ANO4: variants seen among roughly 807,000 people sequenced by gnomAD.
The protein encoded by ANO4 is anoctamin 4.
In ANO4, 69 loss-of-function variants were observed where a neutral mutation model predicts 141.9. The observed-to-expected ratio is 0.49, with a 90% CI of 0.40 to 0.59. The LOEUF is 0.59. Among genes scored for constraint, ANO4 ranks in the 20% least tolerant of loss-of-function variants. The probability of loss-of-function intolerance (pLI) is 0.00; values close to 1 mark genes in which losing one functional copy is unlikely to be tolerated. For synonymous variants in ANO4, 350 were observed against 394.3 expected (o/e 0.89, Z 1.33); for missense variants, 894 against 1,162.2 (o/e 0.77, Z 3.36).
chr12:100,938,094 C>T (rs2653446), intron 3 of ANO4, among the ~76,000 whole-genome samples: 101,055 of 152,080 alleles, frequency 0.66, 33,832 homozygotes, highest in Middle Eastern at 0.73. Context: ...TAACTTTATT[C>T]CTATGCCCAT....
At chr12:100,958,881 T>G (rs576539223) in intron 5 of ANO4, among the ~76,000 whole-genome samples, 7 of 152,010 alleles carry the variant, frequency 4.6e-5, no homozygotes, top group Non-Finnish European at 1.0e-4. Flanking sequence ...AAGAAGGTGA[T>G]AAATGACATG....
At chr12:100,979,683 A>G (rs112169819) in intron 7 of ANO4, among the ~76,000 whole-genome samples, 2 of 151,970 alleles carry the variant, frequency 1.3e-5, no homozygotes, top group South Asian at 2.1e-4. Flanking sequence ...TGCAGAGGAG[A>G]GGCTTTGAGT....
chr12:100,729,378 A>AAAAAAAAAAAAAAAAAAAAAAAT (rs2031286363), intron 1 of ANO4, among the ~76,000 whole-genome samples: 1 of 149,818 alleles, frequency 6.7e-6, no homozygotes, highest in Admixed American at 6.7e-5. Context: ...AAAAAAAAAA[A>AAAAAAAAAAAAAAAAAAAAAAAT]AAAAAAAAAA....
chr12:100,905,916 G>T (rs1363386883), intron 2 of ANO4, among the ~76,000 whole-genome samples: 1 of 152,092 alleles, frequency 6.6e-6, no homozygotes, highest in Non-Finnish European at 1.5e-5. Context: ...GGTCTAATAA[G>T]TTCTTTTCCT....
intron 12 of ANO4, among the ~76,000 whole-genome samples, chr12:101,042,766 C>A (rs574044358): frequency 6.6e-6 from 1 of 152,146 alleles, no homozygotes; most frequent in Non-Finnish European, 1.5e-5. Context: ...TTTACTTTTT[C>A]ACTTTTTTTC....
At chr12:101,121,309 G>A (rs1467916075) in intron 26 of ANO4, among the ~76,000 whole-genome samples, 1 of 151,888 alleles carries the variant, frequency 6.6e-6, no homozygotes, top group Non-Finnish European at 1.5e-5. Flanking sequence ...TCCACTCTAA[G>A]TACGTACAAT....
upstream of ANO4, chr12:100,794,707 T>A (rs1425159290): frequency 6.6e-6 from 1 of 152,170 alleles, no homozygotes; most frequent in Admixed American, 6.5e-5. Flanking sequence ...ATGCCTCCCC[T>A]GCACCTGGGG....
chr12:101,120,422 TC>T, intron 25 of ANO4, 97 bp from the exon 26 acceptor site: 1 of 1,015,676 alleles, frequency 9.8e-7, no homozygotes, highest in Non-Finnish European at 1.5e-6. Flanking sequence ...ACTTCAAATT[TC>T]CCTCCTATTG....
At chr12:100,748,669 T>TGATTG (rs1212035591) in intron 3 of ANO4, among the ~76,000 whole-genome samples, 1 of 152,232 alleles carries the variant, frequency 6.6e-6, no homozygotes, top group Non-Finnish European at 1.5e-5. Context: ...AGTAAAGTGA[T>TGATTG]GATTGGCATA....
At chr12:100,746,066 G>T (rs1394313044) in intron 3 of ANO4, among the ~76,000 whole-genome samples, 3 of 152,160 alleles carry the variant, frequency 2.0e-5, no homozygotes, top group Non-Finnish European at 4.4e-5. Context: ...CACTGGAGAG[G>T]GAGGTCAGCA....
chr12:100,948,578 A>T (rs1199647230), intron 5 of ANO4, among the ~76,000 whole-genome samples: 1 of 152,194 alleles, frequency 6.6e-6, no homozygotes, highest in Non-Finnish European at 1.5e-5. Context: ...TGACTGATAT[A>T]AAAGCTTTTT....
chr12:101,087,077 T>G (rs2049533539), intron 17 of ANO4, among the ~76,000 whole-genome samples: 2 of 152,174 alleles, frequency 1.3e-5, no homozygotes, highest in African/African-American at 4.8e-5. Context: ...GAACATTAGT[T>G]CCCTTATTTA....
Position 101,096,523 on chromosome 12 carries a change from CT to C in ANO4, c.1739-9del, listed in dbSNP as rs1454742126. 3.1e-6 allele frequency: 5 copies of C among 1,603,750 alleles called. No homozygotes were observed. Among genetic ancestry groups the C allele is most frequent in the Non-Finnish European group, 4.3e-6 (5 of 1,171,110 alleles). On this transcript the variant is annotated splice_polypyrimidine_tract_variant and intron_variant, in intron 18 of 27. Transcript: ENST00000392977. Reference sequence around the variant, plus strand: ...ATTCAGCCTTTCAAACTCTGCTCACCTTTTGTCCACAGAACAGCCTCGCACA... The same window carrying C: ...ATTCAGCCTTTCAAACTCTGCTCACCTTTGTCCACAGAACAGCCTCGCACA...
chr12:100,743,743 C>T (rs2031975361), intron 3 of ANO4, among the ~76,000 whole-genome samples: 1 of 152,116 alleles, frequency 6.6e-6, no homozygotes, highest in Admixed American at 6.6e-5. Context: ...TTTGGGAGTA[C>T]ACGTGCAGGT....
chr12:101,126,743 G>T, intron 26 of ANO4, 136 bp from the exon 27 acceptor site: 1 of 703,312 alleles, frequency 1.4e-6, no homozygotes. Context: ...CTATCATCTT[G>T]CATTACACAC....
chr12:101,065,278 T>TGGTTTCA (rs147491325), intron 14 of ANO4, among the ~76,000 whole-genome samples: 1,626 of 152,282 alleles, frequency 0.011, 29 homozygotes, highest in African/African-American at 0.037. Flanking sequence ...GTAGTATCTG[T>TGGTTTCA]GGCATCTTCT....
chr12:100,718,918 T>A (rs977823883), intron 1 of ANO4, among the ~76,000 whole-genome samples: 7 of 152,202 alleles, frequency 4.6e-5, no homozygotes, highest in Non-Finnish European at 8.8e-5. Context: ...CTAACTTCTG[T>A]TTTTTTACAT....
chr12:101,036,985 G>A, intron 9 of ANO4, 110 bp from the exon 10 acceptor site: 2 of 1,075,960 alleles, frequency 1.9e-6, no homozygotes, highest in South Asian at 3.2e-5. Context: ...CCCTAAGAGG[G>A]TTGATAGCCT....
intron 1 of ANO4, among the ~76,000 whole-genome samples, chr12:100,897,088 A>G (rs1436088888): frequency 7.9e-5 from 12 of 152,214 alleles, no homozygotes. Flanking sequence ...TTTAGCCACT[A>G]CTTTGTACTA....
Sources: gnomAD v4.1 joint callset for allele counts (sites outside exome capture counted in the v4.1 genomes callset) on GRCh38, gnomAD v4.1.1 for gene constraint, MANE v1.5 for transcripts, NCBI Gene and HGNC (gene_info 2026-07-23, HGNC 2026-07-21) for gene names.